The following ADAMTS6 variants were observed in gnomAD, a reference collection of about 807,000 sequenced individuals.
ADAMTS6 encodes A disintegrin and metalloproteinase with thrombospondin motifs 6.
ADAMTS6 carries 23 observed loss-of-function variants against 144.3 expected under a neutral mutation model. The observed-to-expected ratio is 0.16, with a 90% confidence interval of 0.11 to 0.23. ADAMTS6 has a LOEUF of 0.23. ADAMTS6 is among the 10% of genes least tolerant of loss of function. The pLI is 1.00. For missense variants in ADAMTS6, 999 were observed against 1,379.6 expected (o/e 0.72, Z 4.37); for synonymous variants, 444 against 457.5 (o/e 0.97, Z 0.38).
At chr5:65,384,018 G>C (rs1580558620) in intron 7 of ADAMTS6, among the ~76,000 whole-genome samples, 1 of 152,196 alleles carries the variant, frequency 6.6e-6, no homozygotes, top group East Asian at 1.9e-4. Context: ...TCGGGGAGTA[G>C]AGCCTTAAAA....
At chr5:65,430,164 TAAA>T (rs58780724) in intron 7 of ADAMTS6, among the ~76,000 whole-genome samples, 1 of 144,056 alleles carries the variant, frequency 6.9e-6, no homozygotes. Context: ...TTATCTTTGT[TAAA>T]AAAAAAAAAA....
At chr5:65,337,921 G>T (rs192927609) in intron 7 of ADAMTS6, among the ~76,000 whole-genome samples, 27 of 152,218 alleles carry the variant, frequency 1.8e-4, no homozygotes, top group African/African-American at 5.5e-4. Context: ...AGTACAAATT[G>T]AAGAAAGAAG....
intron 11 of ADAMTS6, among the ~76,000 whole-genome samples, chr5:65,275,069 G>A (rs1335682918): frequency 6.6e-6 from 1 of 151,674 alleles, no homozygotes; most frequent in Non-Finnish European, 1.5e-5. Context: ...GAAAAGAAGA[G>A]CATGGGCCAG....
chr5:65,318,309 A>T (rs1168168217), intron 9 of ADAMTS6, among the ~76,000 whole-genome samples: 1 of 152,172 alleles, frequency 6.6e-6, no homozygotes, highest in Non-Finnish European at 1.5e-5. Context: ...GCCACTATGA[A>T]GAACAGTTTG....
At chr5:65,207,763 C>G (rs190151641) in intron 20 of ADAMTS6, among the ~76,000 whole-genome samples, 1 of 152,210 alleles carries the variant, frequency 6.6e-6, no homozygotes, top group Non-Finnish European at 1.5e-5. Flanking sequence ...TAACTGAGTT[C>G]AAACAGGGGC....
chr5:65,317,310 T>C (rs905411218), intron 9 of ADAMTS6, among the ~76,000 whole-genome samples: 3 of 152,194 alleles, frequency 2.0e-5, no homozygotes, highest in Non-Finnish European at 4.4e-5. Context: ...AGGGATCTAA[T>C]TGACAATGCT....
intron 7 of ADAMTS6, chr5:65,415,475 G>A (rs977366426): frequency 4.6e-6 from 1 of 219,640 alleles, no homozygotes; most frequent in Middle Eastern, 1.9e-3. Context: ...GTCAGGGCCA[G>A]GGCTGAAGCC....
chr5:65,390,321 C>T (rs1224822482), intron 7 of ADAMTS6, among the ~76,000 whole-genome samples: 1 of 151,976 alleles, frequency 6.6e-6, no homozygotes, highest in Non-Finnish European at 1.5e-5. Context: ...CTTTATCATC[C>T]AATCAAAGAT....
intron 7 of ADAMTS6, among the ~76,000 whole-genome samples, chr5:65,358,606 C>A (rs905418270): frequency 1.3e-5 from 2 of 152,028 alleles, no homozygotes; most frequent in East Asian, 1.9e-4. Context: ...CTGAAGGCAT[C>A]GCACTACCTC....
At chr5:65,206,391 T>C (rs1756085862) in intron 20 of ADAMTS6, among the ~76,000 whole-genome samples, 1 of 152,126 alleles carries the variant, frequency 6.6e-6, no homozygotes, top group Non-Finnish European at 1.5e-5. Context: ...GGAAATCATA[T>C]AAATGGTCTT....
At chr5:65,301,197 A>G (rs1489674030) in intron 9 of ADAMTS6, among the ~76,000 whole-genome samples, 4 of 152,230 alleles carry the variant, frequency 2.6e-5, no homozygotes, top group Admixed American at 2.6e-4. Context: ...TACCCACTAC[A>G]TACCATATAT....
At chr5:65,440,194 C>T (rs1430621506) in intron 7 of ADAMTS6, among the ~76,000 whole-genome samples, 1 of 152,122 alleles carries the variant, frequency 6.6e-6, no homozygotes, top group African/African-American at 2.4e-5. Context: ...AAAAGTAAGA[C>T]AGAAATATTA....
chr5:65,252,898 A>AT (rs1760303540), intron 14 of ADAMTS6, among the ~76,000 whole-genome samples: 1 of 151,626 alleles, frequency 6.6e-6, no homozygotes, highest in African/African-American at 2.4e-5. Flanking sequence ...CTTTTTTTCT[A>AT]TTTTTTATTT....
chr5:65,361,796 T>C (rs1009492463), intron 7 of ADAMTS6, among the ~76,000 whole-genome samples: 2 of 152,202 alleles, frequency 1.3e-5, no homozygotes, highest in Non-Finnish European at 2.9e-5. Context: ...TGCAGTTGCA[T>C]GATCACGGCT....
At position 65,384,964 on chromosome 5, in the gene ADAMTS6, C is replaced by T. The variant is rs115353592; in HGVS notation, c.1074-50879G>A. Among the ~76,000 whole-genome samples, 347 of 152,294 alleles carry T rather than the reference C, an allele frequency of 2.3e-3. 4 individuals are homozygous for T. Among genetic ancestry groups the T allele is most frequent in the African/African-American group, 8.1e-3 (336 of 41,568 alleles). On this transcript the variant is annotated intron_variant, in intron 7 of 24. Transcript: ENST00000381055. ...AGGGTTTTCTGCATCATAGATGATA[C>T]CTTCTTGCTGCATCTTCACATGGTA... is the stretch of plus-strand genomic sequence containing the variant.
chr5:65,415,599 C>G, intron 7 of ADAMTS6: 1 of 367,858 alleles, frequency 2.7e-6, no homozygotes, highest in Non-Finnish European at 5.4e-6. Context: ...TCTCTTCTTC[C>G]TGCCCATCAA....
chr5:65,411,565 A>C (rs981311666), intron 7 of ADAMTS6, among the ~76,000 whole-genome samples: 1 of 152,008 alleles, frequency 6.6e-6, no homozygotes, highest in Non-Finnish European at 1.5e-5. Context: ...CCCATAGTCT[A>C]TCTGGTCCCT....
At position 65,300,239 on chromosome 5, in the gene ADAMTS6, C is replaced by A. The variant is rs1743224805; in HGVS notation, c.1224-108G>T. ...ATTAGCCTTATCAACATATGCCTTC[C>A]ATCAGGATAGGCCAGATCCTCTAAA... On this transcript the variant is annotated intron_variant, in intron 9 of 24. Coordinates refer to ENST00000381055, the MANE Select transcript of ADAMTS6 (RefSeq NM_197941.4). 3 of 1,019,142 alleles carry A rather than the reference C, an allele frequency of 2.9e-6. No homozygotes were observed. The South Asian group carries it at 4.9e-5, about 17-fold the overall frequency. 63.1% of individuals were successfully genotyped at this position (1,019,142 alleles called of 1,614,324 possible).
chr5:65,403,818 A>G (rs796119921), intron 7 of ADAMTS6, among the ~76,000 whole-genome samples: 28 of 152,228 alleles, frequency 1.8e-4, no homozygotes, highest in African/African-American at 6.5e-4. Context: ...ATCACTACGT[A>G]CCTTATTCCA....
Sources: allele counts gnomAD v4.1 joint callset (sites outside exome capture counted in the v4.1 genomes callset), GRCh38; gene constraint gnomAD v4.1.1; transcripts MANE v1.5; gene names NCBI Gene and HGNC (gene_info 2026-07-23, HGNC 2026-07-21).